Variants in SMYD3 observed in about 807,000 individuals in gnomAD.
SMYD3 encodes the protein histone-lysine N-methyltransferase SMYD3.
A neutral mutation model predicts 57.7 loss-of-function variants in SMYD3; 36 were observed. The ratio of observed to expected loss-of-function variants is 0.62; its 90% confidence interval spans 0.48 to 0.82. The LOEUF (loss-of-function observed/expected upper bound fraction) is 0.82, where lower values mean the gene tolerates loss of function less well. Among genes scored for constraint, SMYD3 ranks in the 40% least tolerant of loss-of-function variants. The pLI, the probability that SMYD3 is intolerant of heterozygous loss-of-function variation, is 0.00. For missense variants in SMYD3, 515 were observed against 538.8 expected (o/e 0.96, Z 0.44); for synonymous variants, 211 against 195.0 (o/e 1.08, Z -0.68).
chr1:246,360,561 C>T (rs1376753957), intron 1 of SMYD3, among the ~76,000 whole-genome samples: 2 of 152,138 alleles, frequency 1.3e-5, no homozygotes, highest in African/African-American at 4.8e-5. Context: ...AACTATACTA[C>T]AAGGCCACAG....
intron 5 of SMYD3, among the ~76,000 whole-genome samples, chr1:246,224,134 T>C (rs2063295028): frequency 6.6e-6 from 1 of 152,060 alleles, no homozygotes; most frequent in African/African-American, 2.4e-5. Context: ...GACTCTGTCC[T>C]CATAAAGCTC....
In SMYD3 at chr1:245,917,635, C is replaced by T. The variant is rs972312643; in HGVS notation, c.703-1995G>A. On this transcript the variant is annotated intron_variant, in intron 7 of 11. Coordinates refer to ENST00000490107, the MANE Select transcript of SMYD3 (RefSeq NM_001167740.2). ...GAGTTTCAGTCAAATCCCACTTTCT[C>T]GTTCAGGTCTAACCTCAATGCCCTA... 5.3e-5 allele frequency among the ~76,000 whole-genome samples: 8 copies of T among 152,318 alleles called. 1 individual carries two copies. Among genetic ancestry groups the T allele is most frequent in the African/African-American group, 2.4e-5 (1 of 41,570 alleles).
chr1:245,762,958 T>C (rs780303117), intron 11 of SMYD3, among the ~76,000 whole-genome samples: 2 of 152,064 alleles, frequency 1.3e-5, no homozygotes, highest in Admixed American at 6.5e-5. Flanking sequence ...AACCCACCAG[T>C]GCCTGGCCAG....
In SMYD3 at chr1:246,446,805, A is replaced by G. The variant is rs59664032; in HGVS notation, c.164+60249T>C. ...AGCACTTTGGGAGGCTGAGGTGGGCAGATCACAAGGTCGGGAGATCGACAC... is the reference window on the plus strand; with the variant it reads ...AGCACTTTGGGAGGCTGAGGTGGGCGGATCACAAGGTCGGGAGATCGACAC... On this transcript the variant is annotated intron_variant, in intron 1 of 11. Coordinates refer to ENST00000490107, the MANE Select transcript of SMYD3 (RefSeq NM_001167740.2). 6.2e-4 allele frequency among the ~76,000 whole-genome samples: 95 copies of G among 152,106 alleles called. 1 individual carries two copies. The highest frequency in any genetic ancestry group is 5.2e-3 in the East Asian group (27 of 5,170).
At chr1:246,487,561 T>A (rs2068207674) in intron 1 of SMYD3, among the ~76,000 whole-genome samples, 1 of 151,770 alleles carries the variant, frequency 6.6e-6, no homozygotes, top group African/African-American at 2.4e-5. Context: ...CAGGAGACAA[T>A]CAAAGAATGT....
intron 11 of SMYD3, among the ~76,000 whole-genome samples, chr1:245,751,972 C>T (rs980313324): frequency 7.2e-5 from 11 of 152,218 alleles, no homozygotes; most frequent in African/African-American, 2.4e-4. Flanking sequence ...TGTTTGATGG[C>T]ATTCATGGAG....
At chr1:246,173,193 C>T (rs1222633114) in intron 5 of SMYD3, among the ~76,000 whole-genome samples, 1 of 151,620 alleles carries the variant, frequency 6.6e-6, no homozygotes, top group African/African-American at 2.4e-5. Context: ...CTACACAGGC[C>T]TAGAACACTC....
intron 5 of SMYD3, among the ~76,000 whole-genome samples, chr1:246,082,364 G>A (rs1028173140): frequency 8.5e-5 from 13 of 152,118 alleles, no homozygotes; most frequent in African/African-American, 2.4e-4. Context: ...CTTTCGAAAC[G>A]TTTTTCAGAC....
chr1:246,279,858 C>T (rs1267557928), intron 5 of SMYD3, among the ~76,000 whole-genome samples: 2 of 152,142 alleles, frequency 1.3e-5, no homozygotes, highest in Non-Finnish European at 2.9e-5. Context: ...GTCTATCATT[C>T]TACATTATAT....
chr1:246,015,146 G>T (rs1302329941), intron 5 of SMYD3, among the ~76,000 whole-genome samples: 1 of 152,126 alleles, frequency 6.6e-6, no homozygotes, highest in Non-Finnish European at 1.5e-5. Context: ...AAGAAGAAGG[G>T]TGTATACATC....
At chr1:245,963,437 T>C (rs1021011793) in intron 5 of SMYD3, among the ~76,000 whole-genome samples, 3 of 152,034 alleles carry the variant, frequency 2.0e-5, no homozygotes. Flanking sequence ...TCAATTGTAC[T>C]CGACATACTG....
At chr1:246,251,346 G>C (rs2063794423) in intron 5 of SMYD3, among the ~76,000 whole-genome samples, 1 of 152,228 alleles carries the variant, frequency 6.6e-6, no homozygotes, top group Non-Finnish European at 1.5e-5. Flanking sequence ...ACCTTCCACA[G>C]AGTGTTATTT....
At chr1:246,454,642 C>T (rs920647559) in intron 1 of SMYD3, among the ~76,000 whole-genome samples, 4 of 152,172 alleles carry the variant, frequency 2.6e-5, no homozygotes, top group Non-Finnish European at 1.5e-5. Flanking sequence ...AAGCCTCAAA[C>T]GTCAGCAATG....
chr1:246,105,760 C>T (rs1203172291), intron 5 of SMYD3, among the ~76,000 whole-genome samples: 1 of 152,188 alleles, frequency 6.6e-6, no homozygotes, highest in East Asian at 1.9e-4. Context: ...GCCCGAAATG[C>T]CAGGTGGAAA....
chr1:246,242,628 C>T (rs1178080071), intron 5 of SMYD3, among the ~76,000 whole-genome samples: 1 of 152,036 alleles, frequency 6.6e-6, no homozygotes, highest in Non-Finnish European at 1.5e-5. Flanking sequence ...GGGCTAAATG[C>T]TCCAATTAAA....
rs1558348050 is a variant in SMYD3, at chr1:246,248,635, C to CTTTTTTTTT, written c.531+78565_531+78566insAAAAAAAAA. Among the ~76,000 whole-genome samples the CTTTTTTTTT allele has an allele frequency of 4.0e-4, 27 of 68,318 alleles. 1 individual carries two copies. In the East Asian group the frequency reaches 0.026, roughly 66 times the overall value. 44.8% of individuals were successfully genotyped at this position (68,318 alleles called of 152,430 possible). A position where few individuals can be genotyped will look rare whatever the true frequency, so the allele number is the denominator to read the frequency against. Reference sequence around the variant, plus strand: ...AGTTATGCAAAAGCTCTCTGACTTTCCTTTTTTTTTTTTTTTTTTTTTTTG... The same window carrying CTTTTTTTTT: ...AGTTATGCAAAAGCTCTCTGACTTTCTTTTTTTTTCTTTTTTTTTTTTTTTTTTTTTTTG... On this transcript the variant is annotated intron_variant, in intron 5 of 11. Coordinates refer to ENST00000490107, the MANE Select transcript of SMYD3 (RefSeq NM_001167740.2).
intron 5 of SMYD3, among the ~76,000 whole-genome samples, chr1:246,318,978 G>A (rs1237216034): frequency 6.6e-6 from 1 of 152,110 alleles, no homozygotes; most frequent in Admixed American, 6.5e-5. Flanking sequence ...TGAAGAACAC[G>A]ATAAACAAAT....
intron 5 of SMYD3, among the ~76,000 whole-genome samples, chr1:246,101,093 T>G (rs1165043586): frequency 1.4e-5 from 2 of 141,532 alleles, no homozygotes; most frequent in Non-Finnish European, 3.1e-5. Context: ...TTTTTTTTTT[T>G]TTTTTTTACA....
intron 10 of SMYD3, among the ~76,000 whole-genome samples, chr1:245,824,854 C>A (rs1478419397): frequency 1.1e-5 from 1 of 88,530 alleles, no homozygotes; most frequent in East Asian, 2.8e-4. Flanking sequence ...GAAACTCCGT[C>A]TCAAAAAAAA....
Sources: gnomAD v4.1 joint callset for allele counts (sites outside exome capture counted in the v4.1 genomes callset) on GRCh38, gnomAD v4.1.1 for gene constraint, MANE v1.5 for transcripts, NCBI Gene and HGNC (gene_info 2026-07-23, HGNC 2026-07-21) for gene names.